Variants in GRM8 observed in about 807,000 individuals in gnomAD.
GRM8 encodes the protein glutamate metabotropic receptor 8.
A neutral mutation model predicts 87.2 loss-of-function variants in GRM8; 47 were observed. The observed-to-expected ratio is 0.54, with a 90% CI of 0.43 to 0.69. The LOEUF (loss-of-function observed/expected upper bound fraction) is 0.69. GRM8 is among the 30% of genes least tolerant of loss of function. The pLI is 0.00. For missense variants in GRM8, 1,019 were observed against 1,139.2 expected (o/e 0.89, Z 1.52); for synonymous variants, 396 against 404.5 (o/e 0.98, Z 0.25).
At chr7:126,758,800 A>G (rs541575608) in intron 7 of GRM8, among the ~76,000 whole-genome samples, 26 of 152,292 alleles carry the variant, frequency 1.7e-4, no homozygotes, top group African/African-American at 6.3e-4. Flanking sequence ...AACACATCCA[A>G]AAGACTGGGA....
chr7:126,965,860 T>C (rs984974250), intron 3 of GRM8, among the ~76,000 whole-genome samples: 1 of 152,082 alleles, frequency 6.6e-6, no homozygotes, highest in African/African-American at 2.4e-5. Flanking sequence ...ATTACACTTA[T>C]GCATATAAAT....
At chr7:127,108,723 C>T (rs1826052049) in intron 2 of GRM8, among the ~76,000 whole-genome samples, 1 of 152,110 alleles carries the variant, frequency 6.6e-6, no homozygotes, top group African/African-American at 2.4e-5. Context: ...AGCAGTCAGC[C>T]TCATGTTTAG....
At chr7:126,718,404 T>A (rs374321739) in intron 7 of GRM8, among the ~76,000 whole-genome samples, 12 of 152,104 alleles carry the variant, frequency 7.9e-5, no homozygotes, top group African/African-American at 2.4e-4. Flanking sequence ...GGGGTATAGT[T>A]GATTCACAGA....
chr7:126,777,467 T>C (rs944951233), intron 6 of GRM8, among the ~76,000 whole-genome samples: 1 of 152,114 alleles, frequency 6.6e-6, no homozygotes, highest in African/African-American at 2.4e-5. Context: ...CTCTGTGAAA[T>C]TTCCTTTGAT....
intron 7 of GRM8, among the ~76,000 whole-genome samples, chr7:126,708,944 G>T (rs952546839): frequency 1.2e-4 from 18 of 152,076 alleles, no homozygotes; most frequent in Non-Finnish European, 2.4e-4. Context: ...TTCTACCCTT[G>T]AAAACTCCAT....
chr7:126,579,796 A>G (rs1328902242), intron 8 of GRM8, among the ~76,000 whole-genome samples: 1 of 152,132 alleles, frequency 6.6e-6, no homozygotes, highest in African/African-American at 2.4e-5. Flanking sequence ...AATTAGTAAA[A>G]ACTAATTAAC....
chr7:126,813,676 A>G (rs538816184), intron 6 of GRM8, among the ~76,000 whole-genome samples: 1 of 152,188 alleles, frequency 6.6e-6, no homozygotes, highest in Non-Finnish European at 1.5e-5. Context: ...AGAACCCTTA[A>G]CACCCTCAGA....
intron 8 of GRM8, among the ~76,000 whole-genome samples, chr7:126,609,110 T>C (rs1237034978): frequency 2.0e-5 from 3 of 152,114 alleles, no homozygotes; most frequent in Non-Finnish European, 4.4e-5. Context: ...AGGGCAAAAT[T>C]TATCTAAGGG....
chr7:127,225,644 T>C (rs1471252714), intron 2 of GRM8, among the ~76,000 whole-genome samples: 1 of 149,332 alleles, frequency 6.7e-6, no homozygotes, highest in Non-Finnish European at 1.5e-5. Context: ...TATAGATAGA[T>C]ATAATATCTA....
At chr7:126,785,624 C>A (rs1249693708) in intron 6 of GRM8, among the ~76,000 whole-genome samples, 1 of 151,932 alleles carries the variant, frequency 6.6e-6, no homozygotes, top group Non-Finnish European at 1.5e-5. Flanking sequence ...CCAGGTCTTT[C>A]GCTTCTTTAT....
rs116628983 is a variant in GRM8 at position 126,653,146 on chromosome 7, T to C, written c.1358-43648A>G. Among the ~76,000 whole-genome samples, 440 of 152,022 alleles carry C rather than the reference T, an allele frequency of 2.9e-3. 2 individuals are homozygous for C. The highest frequency in any genetic ancestry group is 9.8e-3 in the African/African-American group (408 of 41,498). On this transcript the variant is annotated intron_variant, in intron 7 of 10. Coordinates refer to ENST00000339582, the MANE Select transcript of GRM8 (RefSeq NM_000845.3). Reference sequence around the variant, plus strand: ...GTGAGAATACATGTCTACAGAAACATTTTTTAAATAGCAAGGTGTGTTGGT... The same window carrying C: ...GTGAGAATACATGTCTACAGAAACACTTTTTAAATAGCAAGGTGTGTTGGT...
At chr7:127,092,981 CA>C (rs1824300724) in intron 3 of GRM8, among the ~76,000 whole-genome samples, 1 of 152,190 alleles carries the variant, frequency 6.6e-6, no homozygotes, top group South Asian at 2.1e-4. Flanking sequence ...TGTGTGCCCA[CA>C]AAAACACATG....
chr7:127,155,483 A>G (rs1792664157), intron 2 of GRM8, among the ~76,000 whole-genome samples: 1 of 152,198 alleles, frequency 6.6e-6, no homozygotes, highest in Non-Finnish European at 1.5e-5. Context: ...TCAAAGAGAT[A>G]TATTGCATAC....
intron 9 of GRM8, among the ~76,000 whole-genome samples, chr7:126,478,586 C>T (rs990629788): frequency 8.6e-5 from 13 of 151,962 alleles, no homozygotes; most frequent in African/African-American, 3.1e-4. Flanking sequence ...ATTTTGCATA[C>T]TGTTTATTAC....
At chr7:126,520,936 A>C (rs1324358351) in intron 9 of GRM8, among the ~76,000 whole-genome samples, 1 of 152,098 alleles carries the variant, frequency 6.6e-6, no homozygotes, top group Non-Finnish European at 1.5e-5. Flanking sequence ...GTGTTCGATA[A>C]ATTGCCATTT....
chr7:126,923,544 C>A (rs1277548206), intron 3 of GRM8, among the ~76,000 whole-genome samples: 1 of 152,124 alleles, frequency 6.6e-6, no homozygotes, highest in Non-Finnish European at 1.5e-5. Context: ...CTCTCACATA[C>A]AGACATAATT....
chr7:127,114,287 G>A (rs1427379606), intron 2 of GRM8, among the ~76,000 whole-genome samples: 4 of 152,118 alleles, frequency 2.6e-5, no homozygotes, highest in African/African-American at 9.7e-5. Context: ...TTTAACAAAA[G>A]CAAAGGAGAG....
chr7:126,881,920 A>G (rs1040747095), intron 6 of GRM8, among the ~76,000 whole-genome samples: 13 of 152,120 alleles, frequency 8.5e-5, no homozygotes, highest in Non-Finnish European at 2.9e-5. Context: ...AACATGTAAT[A>G]ATAAAAGAAT....
At chr7:126,694,835 T>A (rs1011544083) in intron 7 of GRM8, among the ~76,000 whole-genome samples, 1 of 152,198 alleles carries the variant, frequency 6.6e-6, no homozygotes, top group Non-Finnish European at 1.5e-5. Flanking sequence ...TAGATGTCCA[T>A]GCAATTCTTG....
Sources: allele counts gnomAD v4.1 joint callset (sites outside exome capture counted in the v4.1 genomes callset), GRCh38; gene constraint gnomAD v4.1.1; transcripts MANE v1.5; gene names NCBI Gene and HGNC (gene_info 2026-07-23, HGNC 2026-07-21).